Variants in PTPRB observed in about 807,000 individuals in gnomAD.
PTPRB encodes protein tyrosine phosphatase receptor type B.
Under a neutral mutation model 238.1 loss-of-function variants are expected in PTPRB, and 97 were observed. The ratio of observed to expected loss-of-function variants is 0.41; its 90% CI spans 0.35 to 0.48. The LOEUF is 0.48. Among genes scored for constraint, PTPRB ranks in the 20% least tolerant of loss-of-function variants. PTPRB has a pLI of 0.30. For missense variants in PTPRB, 2,292 were observed against 2,681.9 expected (o/e 0.85, Z 3.21); for synonymous variants, 970 against 995.4 (o/e 0.97, Z 0.48).
chr12:70,614,326 C>T (rs975910377), intron 3 of PTPRB, among the ~76,000 whole-genome samples: 19 of 152,036 alleles, frequency 1.2e-4, no homozygotes, highest in African/African-American at 4.6e-4. Context: ...TTAATGAGAT[C>T]TTGGCTTTAA....
Position 70,601,797 on chromosome 12 carries a change from T to C in PTPRB, c.980-5470A>G, listed in dbSNP as rs572863901. On this transcript the variant is annotated intron_variant, in intron 4 of 33. Coordinates refer to ENST00000334414, the MANE Select transcript of PTPRB (RefSeq NM_001109754.4). Reference sequence around the variant, plus strand: ...TTTCTTTTTTTCTTTTTTCTTTTTTTTTTTTTTTTTTTGAGATGGAGTCTC... The same window carrying C: ...TTTCTTTTTTTCTTTTTTCTTTTTTCTTTTTTTTTTTTGAGATGGAGTCTC... Among the ~76,000 whole-genome samples the C allele has an allele frequency of 2.4e-4, 35 of 143,438 alleles. 1 individual carries two copies. Among genetic ancestry groups the C allele is most frequent in the Admixed American group, 4.8e-4 (7 of 14,576 alleles). The allele number at this position is 143,438 out of a possible 152,430, so 94.1% of individuals were successfully genotyped here.
chr12:70,584,258 T>C (rs768291876), intron 9 of PTPRB, among the ~76,000 whole-genome samples: 1 of 152,092 alleles, frequency 6.6e-6, no homozygotes, highest in Non-Finnish European at 1.5e-5. Context: ...ATGGAAAATA[T>C]GAAATATATT....
chr12:70,587,111 T>G lies in PTPRB; in HGVS notation c.2207A>C (p.Lys736Thr). ...CACCAGGTCAGTAAAAGTGAATTCT[T>G]TGGCATCTTTGGAGAGTGACTTGTG... is the stretch of plus-strand genomic sequence containing the variant. ...LIHKSLSKDA[K>T]EFTFTDLVPG... The change falls in exon 9 of 34, where the codon AAA becomes ACA. Residue 736 changes from lysine to threonine, a missense_variant. This residue lies in a region of PTPRB where 1,205 missense variants were observed against 1,287.8 expected (regional missense o/e 0.94). Coordinates refer to ENST00000334414, the MANE Select transcript of PTPRB (RefSeq NM_001109754.4). 2 of 1,613,944 alleles carry G rather than the reference T, an allele frequency of 1.2e-6. No homozygotes were observed. The highest frequency in any genetic ancestry group is 1.7e-6 in the Non-Finnish European group (2 of 1,179,822).
At chr12:70,595,947 T>C in intron 5 of PTPRB, 102 bp downstream of exon 5, 1 of 1,124,120 alleles carries the variant, frequency 8.9e-7, no homozygotes, top group South Asian at 2.3e-5. Flanking sequence ...GCTAATTAAT[T>C]AACTTTGCTC....
chr12:70,570,170 T>C (rs995596074), intron 13 of PTPRB, among the ~76,000 whole-genome samples: 15 of 152,134 alleles, frequency 9.9e-5, no homozygotes, highest in African/African-American at 3.4e-4. Context: ...GCTAATTATA[T>C]AGCGAGGGGC....
In PTPRB at chr12:70,576,463, T is replaced by C. The variant is rs200558047; in HGVS notation, c.2761A>G (p.Thr921Ala). The part of the protein sequence containing the change: ...SVRECSFSSL[T>A]PGRLYTVTIT... ...GTCACGGTGTAGAGGCGGCCTGGGG[T>C]GAGGGAGCTGAAGGAACATTCTCTG... is the stretch of plus-strand genomic sequence containing the variant. The change falls in exon 11 of 34, where the codon ACC becomes GCC. Residue 921 changes from threonine to alanine, a missense_variant. Thr to Ala is a moderately conservative substitution (Grantham distance 58). Coordinates refer to ENST00000334414, the MANE Select transcript of PTPRB (RefSeq NM_001109754.4). 2.5e-6 allele frequency: 4 copies of C among 1,595,732 alleles called. No individual in the cohort carries two copies. The highest frequency in any genetic ancestry group is 2.6e-6 in the Non-Finnish European group (3 of 1,170,524).
At chr12:70,533,337 G>C (rs1211039543) in intron 31 of PTPRB, among the ~76,000 whole-genome samples, 1 of 152,166 alleles carries the variant, frequency 6.6e-6, no homozygotes, top group Non-Finnish European at 1.5e-5. Flanking sequence ...GGCTCCTAGG[G>C]TGCTGGGCTG....
At position 70,585,834 on chromosome 12, in the gene PTPRB, C is replaced by A. The variant is rs193004261; in HGVS notation, c.2311+1173G>T. 1.7e-4 allele frequency among the ~76,000 whole-genome samples: 26 copies of A among 151,088 alleles called. 1 individual carries two copies. In the East Asian group the frequency reaches 5.1e-3, roughly 30 times the overall value. ...ACAACAGGCCCCGGTGTGTGATGTT[C>A]CCCACTCTGTGTCCAAGTGTTCTCA... On this transcript the variant is annotated intron_variant, in intron 9 of 33. Coordinates refer to ENST00000334414, the MANE Select transcript of PTPRB (RefSeq NM_001109754.4).
chr12:70,619,157 AGTGT>A (rs3049143), intron 3 of PTPRB, among the ~76,000 whole-genome samples: 2,846 of 142,162 alleles, frequency 0.02, 89 homozygotes, highest in African/African-American at 0.065. Flanking sequence ...TGTTTAGGGG[AGTGT>A]GTGTGTGTGT....
At chr12:70,628,042 C>T (rs546302323) in intron 2 of PTPRB, among the ~76,000 whole-genome samples, 35 of 152,232 alleles carry the variant, frequency 2.3e-4, no homozygotes, top group African/African-American at 7.7e-4. Flanking sequence ...CTTTAACCAG[C>T]AGTTAAATCG....
chr12:70,530,486 T>C (rs925504162), intron 32 of PTPRB, among the ~76,000 whole-genome samples: 30 of 124,612 alleles, frequency 2.4e-4, no homozygotes, highest in Non-Finnish European at 4.4e-4. Flanking sequence ...ATATGACATG[T>C]ATTACACACA....
At chr12:70,591,067 A>G (rs998320632) in intron 7 of PTPRB, among the ~76,000 whole-genome samples, 2 of 149,020 alleles carry the variant, frequency 1.3e-5, no homozygotes, top group African/African-American at 5.0e-5. Flanking sequence ...AGTAGCTAGG[A>G]CCACAGGCAC....
intron 15 of PTPRB, among the ~76,000 whole-genome samples, chr12:70,564,843 A>T (rs895659777): frequency 2.1e-5 from 2 of 96,518 alleles, no homozygotes; most frequent in African/African-American, 7.6e-5. Flanking sequence ...CAAAAATAAT[A>T]AATAATAATA....
chr12:70,622,568 A>G lies in PTPRB; in HGVS notation c.530T>C (p.Val177Ala). Residue 177 changes from valine (V) to alanine (A), a missense_variant, in exon 3 of 34, where the codon GTT becomes GCT. Physicochemically the swap from Val to Ala is moderately conservative, Grantham distance 64. This residue lies in a region of PTPRB where 1,205 missense variants were observed against 1,287.8 expected (regional missense o/e 0.94). Coordinates refer to ENST00000334414, the MANE Select transcript of PTPRB (RefSeq NM_001109754.4). Reference sequence around the variant, plus strand: ...AATAAGGAATACCAGGCCATCTGGAACTGCATTAAAGGTAGTGAGAATCTG... The same window carrying G: ...AATAAGGAATACCAGGCCATCTGGAGCTGCATTAAAGGTAGTGAGAATCTG... ...PPQILTTFNA[V>A]PDGLVFLIRN... 1 of 1,599,820 alleles carries G rather than the reference A, an allele frequency of 6.3e-7. No individual in the cohort carries two copies.
intron 6 of PTPRB, 139 bp from the exon 7 acceptor site, chr12:70,592,684 T>TCAAGAGGCACC: frequency 3.4e-6 from 3 of 889,996 alleles, no homozygotes; most frequent in Non-Finnish European, 5.1e-6. Flanking sequence ...AGGCAAATAT[T>TCAAGAGGCACC]ATCCTCTTCA....
intron 21 of PTPRB, among the ~76,000 whole-genome samples, chr12:70,545,874 C>T (rs999569211): frequency 3.3e-5 from 5 of 152,188 alleles, no homozygotes; most frequent in South Asian, 2.1e-4. Context: ...CGGTGGCTCA[C>T]GCCTGTAATC....
intron 13 of PTPRB, among the ~76,000 whole-genome samples, chr12:70,570,364 T>C (rs112320280): frequency 0.039 from 6,005 of 152,210 alleles, 326 homozygotes; most frequent in African/African-American, 0.13. Flanking sequence ...ATTTTATTTT[T>C]GAGGTAGGGT....
In PTPRB at chr12:70,580,802, G is replaced by A. The variant is rs201673570; in HGVS notation, c.2578+234C>T. Among the ~76,000 whole-genome samples the A allele has an allele frequency of 1.8e-4, 27 of 148,784 alleles. 1 individual carries two copies. In the East Asian group the frequency reaches 5.3e-3, roughly 29 times the overall value. ...CATCGCACTCCAGCCTGAGCAACCA[G>A]AGCGAAATTCCGTCTCAAAAAAAAA... On this transcript the variant is annotated intron_variant, in intron 10 of 33. Coordinates refer to ENST00000334414, the MANE Select transcript of PTPRB (RefSeq NM_001109754.4).
chr12:70,559,140 C>G, intron 18 of PTPRB: 1 of 625,160 alleles, frequency 1.6e-6, no homozygotes, highest in Non-Finnish European at 2.8e-6. Flanking sequence ...ATTGTAAGCC[C>G]CATGAGGGCA....
Sources: allele counts gnomAD v4.1 joint callset (sites outside exome capture counted in the v4.1 genomes callset), GRCh38; gene constraint gnomAD v4.1.1; regional missense constraint gnomAD v4.1.1; transcripts MANE v1.5; gene names NCBI Gene and HGNC (gene_info 2026-07-23, HGNC 2026-07-21).